PTPRD: variants seen among roughly 807,000 people sequenced by gnomAD.
The protein encoded by PTPRD is protein tyrosine phosphatase receptor type D.
In PTPRD, 34 loss-of-function variants were observed where a neutral mutation model predicts 214.5. The observed-to-expected ratio is 0.16, with a 90% confidence interval of 0.12 to 0.21. The LOEUF is 0.21. Ranked by LOEUF, PTPRD falls within the 10% of genes least tolerant of loss-of-function variation. The probability of loss-of-function intolerance (pLI) is 1.00; values close to 1 mark genes in which losing one functional copy is unlikely to be tolerated. For synonymous variants in PTPRD, 1,128 were observed against 845.7 expected, an observed-to-expected ratio of 1.33 and a Z score of -5.79; for missense variants, 2,545 against 2,398.7, an observed-to-expected ratio of 1.06 and a Z score of -1.27.
rs764168261 is a variant in PTPRD at position 8,504,402 on chromosome 9, G to T, written c.1681C>A (p.Arg561=). 9 of 1,613,946 alleles carry T rather than the reference G, an allele frequency of 5.6e-6. No individual in the cohort carries two copies. The highest frequency in any genetic ancestry group is 7.6e-6 in the Non-Finnish European group (9 of 1,179,948). ...YKDGEHGEEQ[R]ITIEPGTSYR... ...GATGTCCCTGGCTCAATGGTAATTC[G>T]TTGCTGGAAGCAATAAGAGAATGTG... The change falls in exon 23 of 46, where the codon CGA becomes AGA. Residue 561 remains arginine (R), a synonymous_variant. Coordinates refer to ENST00000381196, the MANE Select transcript of PTPRD (RefSeq NM_002839.4).
At chr9:8,875,723 T>C (rs1042997936) in intron 11 of PTPRD, among the ~76,000 whole-genome samples, 5 of 152,158 alleles carry the variant, frequency 3.3e-5, no homozygotes, top group African/African-American at 7.2e-5. Flanking sequence ...ACATCTACAA[T>C]GTATAATATT....
chr9:8,404,103 A>G (rs1416066103), intron 36 of PTPRD, among the ~76,000 whole-genome samples: 1 of 152,142 alleles, frequency 6.6e-6, no homozygotes, highest in East Asian at 1.9e-4. Flanking sequence ...AGTAGGAAAA[A>G]GCTATGTTTG....
intron 11 of PTPRD, among the ~76,000 whole-genome samples, chr9:8,949,989 A>G (rs1315043763): frequency 6.6e-6 from 1 of 152,172 alleles, no homozygotes; most frequent in African/African-American, 2.4e-5. Flanking sequence ...GAGATTGTCT[A>G]TCATGTTTGA....
chr9:9,310,665 C>A (rs1958667411), intron 9 of PTPRD, among the ~76,000 whole-genome samples: 1 of 152,076 alleles, frequency 6.6e-6, no homozygotes, highest in South Asian at 2.1e-4. Context: ...CGCCTGTAAT[C>A]CCAGCACTTT....
At chr9:8,463,276 C>T (rs895509186) in intron 32 of PTPRD, among the ~76,000 whole-genome samples, 17 of 94,436 alleles carry the variant, frequency 1.8e-4, no homozygotes, top group Non-Finnish European at 2.1e-4. Context: ...GATAAAAACT[C>T]AGTATATATG....
rs117199503 is a variant in PTPRD, at chr9:8,485,183, T to A, written c.3153+44A>T. The stretch of plus-strand genomic sequence containing the variant: ...TAACTTACCCAGATAAACTGTCCCC[T>A]CTACTTTTATCTGTGATTTCTTACA... On this transcript the variant is annotated intron_variant, in intron 29 of 45. Coordinates refer to ENST00000381196, the MANE Select transcript of PTPRD (RefSeq NM_002839.4). 13,452 of 1,536,140 alleles carry A rather than the reference T, an allele frequency of 8.8e-3. 87 individuals are homozygous for A. The highest frequency in any genetic ancestry group is 0.01 in the Non-Finnish European group (11,617 of 1,111,210).
At chr9:10,295,593 A>G (rs1354027739) in intron 3 of PTPRD, among the ~76,000 whole-genome samples, 1 of 152,106 alleles carries the variant, frequency 6.6e-6, no homozygotes, top group Non-Finnish European at 1.5e-5. Flanking sequence ...ATTTGTTTAC[A>G]TCACTCTCTG....
At chr9:9,580,026 A>G (rs1315358100) in intron 7 of PTPRD, among the ~76,000 whole-genome samples, 1 of 152,068 alleles carries the variant, frequency 6.6e-6, no homozygotes, top group Non-Finnish European at 1.5e-5. Flanking sequence ...CTGCAAAGAC[A>G]TGTTTCATCT....
intron 3 of PTPRD, among the ~76,000 whole-genome samples, chr9:10,077,302 T>A (rs917572334): frequency 1.3e-5 from 2 of 152,158 alleles, no homozygotes; most frequent in African/African-American, 4.8e-5. Flanking sequence ...TATCAGAGAT[T>A]TCACATATTT....
At chr9:9,729,416 T>C (rs2098146335) in intron 7 of PTPRD, among the ~76,000 whole-genome samples, 1 of 152,092 alleles carries the variant, frequency 6.6e-6, no homozygotes, top group Non-Finnish European at 1.5e-5. Flanking sequence ...TTTACTTCCA[T>C]TTTCCCTTGG....
chr9:8,455,367 A>G (rs1590982563), intron 33 of PTPRD, among the ~76,000 whole-genome samples: 1 of 152,234 alleles, frequency 6.6e-6, no homozygotes, highest in Non-Finnish European at 1.5e-5. Context: ...GTTCATGCTT[A>G]TAGATCCTTT....
chr9:8,324,622 G>C (rs889193697), intron 44 of PTPRD, among the ~76,000 whole-genome samples: 16 of 152,156 alleles, frequency 1.1e-4, no homozygotes, highest in Admixed American at 3.3e-4. Context: ...ACTCAGTAAT[G>C]GGATTGCTGG....
intron 10 of PTPRD, among the ~76,000 whole-genome samples, chr9:9,101,111 GAGA>G (rs2099790698): frequency 6.6e-6 from 1 of 151,742 alleles, no homozygotes; most frequent in Non-Finnish European, 1.5e-5. Context: ...CAGAGAGAGA[GAGA>G]GAGTAGAGAG....
rs181522554 is a variant in PTPRD at position 8,760,929 on chromosome 9, C to A, written c.-103-26983G>T. ...GTAGTTCCACTTCTATTTCTAGTGCCTACTGCATAATAGGAATAACATTTT... is the reference window on the plus strand; with the variant it reads ...GTAGTTCCACTTCTATTTCTAGTGCATACTGCATAATAGGAATAACATTTT... On this transcript the variant is annotated intron_variant, in intron 11 of 45. Coordinates refer to ENST00000381196, the MANE Select transcript of PTPRD (RefSeq NM_002839.4). 3.7e-4 allele frequency among the ~76,000 whole-genome samples: 56 copies of A among 152,164 alleles called. 1 individual carries two copies. Among genetic ancestry groups the A allele is most frequent in the Admixed American group, 3.3e-3 (51 of 15,276 alleles).
chr9:9,295,314 T>A (rs1235548095), intron 9 of PTPRD, among the ~76,000 whole-genome samples: 1 of 151,750 alleles, frequency 6.6e-6, no homozygotes, highest in Non-Finnish European at 1.5e-5. Flanking sequence ...AAAAACAACA[T>A]AAGAAGCCAA....
intron 8 of PTPRD, among the ~76,000 whole-genome samples, chr9:9,515,198 A>G (rs1383747987): frequency 1.3e-5 from 2 of 152,070 alleles, no homozygotes; most frequent in Non-Finnish European, 1.5e-5. Context: ...TAAACACTTC[A>G]ATCTATGCCT....
intron 8 of PTPRD, among the ~76,000 whole-genome samples, chr9:9,529,920 G>T (rs900802904): frequency 1.3e-5 from 2 of 151,764 alleles, no homozygotes; most frequent in Admixed American, 1.3e-4. Context: ...TTATGCAGCT[G>T]TATAAATAAT....
At chr9:8,947,473 AAAAAAAG>A (rs2099073038) in intron 11 of PTPRD, among the ~76,000 whole-genome samples, 2 of 151,528 alleles carry the variant, frequency 1.3e-5, no homozygotes, top group Non-Finnish European at 2.9e-5. Flanking sequence ...AAAAAAAAAA[AAAAAAAG>A]AAAAAAGAAA....
At chr9:8,786,607 G>A (rs1231286438) in intron 11 of PTPRD, among the ~76,000 whole-genome samples, 1 of 150,754 alleles carries the variant, frequency 6.6e-6, no homozygotes, top group Non-Finnish European at 1.5e-5. Context: ...TACAAACGGG[G>A]TTTCACCACG....
Sources: allele counts gnomAD v4.1 joint callset (sites outside exome capture counted in the v4.1 genomes callset), GRCh38; gene constraint gnomAD v4.1.1; transcripts MANE v1.5; gene names NCBI Gene and HGNC (gene_info 2026-07-23, HGNC 2026-07-21).